Variants in LRRC7 observed in about 807,000 individuals in gnomAD.
LRRC7 encodes leucine rich repeat containing 7, also known as leucine-rich repeat-containing protein 7.
LRRC7 carries 23 observed loss-of-function variants against 175.7 expected under a neutral mutation model. The ratio of observed to expected loss-of-function variants is 0.13; its 90% CI spans 0.09 to 0.19. The LOEUF (loss-of-function observed/expected upper bound fraction) is 0.19, where lower values mean the gene tolerates loss of function less well. Ranked by LOEUF, LRRC7 falls within the 10% of genes least tolerant of loss-of-function variation. LRRC7 has a pLI of 1.00. For synonymous variants in LRRC7, 685 were observed against 680.9 expected (o/e 1.01, Z -0.09); for missense variants, 1,354 against 1,904.7 (o/e 0.71, Z 5.38).
At chr1:69,828,364 G>A (rs1680163447) in intron 5 of LRRC7, among the ~76,000 whole-genome samples, 1 of 152,122 alleles carries the variant, frequency 6.6e-6, no homozygotes. Flanking sequence ...CTTTCCCAAA[G>A]CTATTCAAAT....
chr1:69,986,916 G>A (rs573419151), intron 10 of LRRC7, among the ~76,000 whole-genome samples: 2 of 152,228 alleles, frequency 1.3e-5, no homozygotes, highest in African/African-American at 2.4e-5. Flanking sequence ...TTGCCGGTTA[G>A]TGTATAAAAA....
At chr1:69,581,817 C>T (rs552013622) in intron 1 of LRRC7, among the ~76,000 whole-genome samples, 22 of 151,976 alleles carry the variant, frequency 1.4e-4, no homozygotes, top group Non-Finnish European at 2.6e-4. Context: ...TAATTTCTTC[C>T]ATCTTTACTC....
At chr1:69,865,501 G>GTTTTTTTTTTTT (rs1684843456) in intron 7 of LRRC7, among the ~76,000 whole-genome samples, 1 of 15,034 alleles carries the variant, frequency 6.7e-5, no homozygotes, top group Non-Finnish European at 1.4e-4. Context: ...TTTTGAAACG[G>GTTTTTTTTTTTT]AGTCCCGCTC....
intron 7 of LRRC7, among the ~76,000 whole-genome samples, chr1:69,924,617 T>G (rs536215591): frequency 2.0e-5 from 3 of 152,292 alleles, no homozygotes; most frequent in African/African-American, 7.2e-5. Context: ...TATTGGTGTA[T>G]AAGAATGCTT....
chr1:69,828,883 T>A (rs1056687784), intron 5 of LRRC7, among the ~76,000 whole-genome samples: 1 of 151,962 alleles, frequency 6.6e-6, no homozygotes, highest in Non-Finnish European at 1.5e-5. Flanking sequence ...GGTCAGATGC[T>A]TGTAATATGT....
At chr1:69,940,479 C>G (rs1648596744) in intron 8 of LRRC7, among the ~76,000 whole-genome samples, 1 of 151,900 alleles carries the variant, frequency 6.6e-6, no homozygotes, top group African/African-American at 2.4e-5. Context: ...AGTCAAATAC[C>G]CTGGTGATTC....
chr1:70,055,682 T>C (rs918499478), intron 23 of LRRC7, among the ~76,000 whole-genome samples: 9 of 151,940 alleles, frequency 5.9e-5, no homozygotes, highest in African/African-American at 1.9e-4. Context: ...GGACAGAAAG[T>C]GAGAAGGGGG....
intron 3 of LRRC7, among the ~76,000 whole-genome samples, chr1:69,786,972 T>A (rs1487874642): frequency 6.6e-6 from 1 of 152,142 alleles, no homozygotes; most frequent in African/African-American, 2.4e-5. Context: ...ACAAGACAAG[T>A]CCCTTCCACC....
At chr1:69,795,569 C>T (rs1262565450) in intron 4 of LRRC7, among the ~76,000 whole-genome samples, 1 of 152,022 alleles carries the variant, frequency 6.6e-6, no homozygotes, top group Non-Finnish European at 1.5e-5. Context: ...AGAATACAAG[C>T]AGTATTGGTA....
At chr1:70,070,505 T>A (rs977342925) in intron 23 of LRRC7, among the ~76,000 whole-genome samples, 7 of 152,184 alleles carry the variant, frequency 4.6e-5, no homozygotes, top group Non-Finnish European at 1.0e-4. Context: ...GATGAGTGAT[T>A]TTTTAATTAA....
In LRRC7 at chr1:70,138,353, A is replaced by G. The variant is rs1168055053; in HGVS notation, c.*16466A>G. ...ACATGGAGAAGCCACCTTTTAAAAA[A>G]GATCAGTTCTGTAAAGCATAATGCC... is the stretch of plus-strand genomic sequence containing the variant. On this transcript the variant is annotated 3_prime_UTR_variant, in exon 27 of 27. Coordinates refer to ENST00000651989, the MANE Select transcript of LRRC7 (RefSeq NM_001370785.2). 3 of 152,232 alleles carry G rather than the reference A, an allele frequency of 2.0e-5. No individual in the cohort carries two copies. The highest frequency in any genetic ancestry group is 3.8e-4 in the East Asian group (2 of 5,202). 9.4% of individuals were successfully genotyped at this position (152,232 alleles called of 1,614,324 possible).
chr1:69,607,870 T>A (rs953843438), intron 1 of LRRC7: 1 of 152,188 alleles, frequency 6.6e-6, no homozygotes, highest in Non-Finnish European at 1.5e-5. Context: ...TGACATTCCT[T>A]ATCCTAGAAG....
At chr1:69,892,279 A>G (rs751222456) in intron 7 of LRRC7, among the ~76,000 whole-genome samples, 4 of 152,196 alleles carry the variant, frequency 2.6e-5, no homozygotes, top group Non-Finnish European at 4.4e-5. Flanking sequence ...TCAGGGAAGT[A>G]AGTTAAAAAC....
chr1:69,960,423 C>A (rs904867920), intron 8 of LRRC7, among the ~76,000 whole-genome samples: 1 of 151,932 alleles, frequency 6.6e-6, no homozygotes, highest in Admixed American at 6.6e-5. Flanking sequence ...TTAAGTTTTT[C>A]AAAAAGCTAG....
intron 25 of LRRC7, among the ~76,000 whole-genome samples, chr1:70,098,884 C>T (rs996022573): frequency 1.3e-5 from 2 of 152,158 alleles, no homozygotes; most frequent in South Asian, 4.1e-4. Flanking sequence ...CCAAATTCTA[C>T]CAGAGGTACA....
chr1:69,873,129 T>C (rs545852764), intron 7 of LRRC7, among the ~76,000 whole-genome samples: 6 of 152,292 alleles, frequency 3.9e-5, no homozygotes, highest in African/African-American at 1.4e-4. Context: ...GAAGTGATAG[T>C]GTAAGCAAGT....
chr1:69,885,688 A>G (rs1412460037), intron 7 of LRRC7, among the ~76,000 whole-genome samples: 36 of 114,000 alleles, frequency 3.2e-4, no homozygotes, highest in African/African-American at 1.3e-3. Flanking sequence ...TTGCTTTTCT[A>G]GTTCTTTTAA....
Position 70,000,331 on chromosome 1 carries a change from A to G in LRRC7, c.1004+5698A>G, listed in dbSNP as rs533701323. ...CACAAATAGATGCCATTGTGTTACA[A>G]TTGCTTACAGTATTCAGTAAATCAC... is the stretch of plus-strand genomic sequence containing the variant. On this transcript the variant is annotated intron_variant, in intron 11 of 26. Coordinates refer to ENST00000651989, the MANE Select transcript of LRRC7 (RefSeq NM_001370785.2). 5.6e-4 allele frequency among the ~76,000 whole-genome samples: 85 copies of G among 152,302 alleles called. No homozygotes were observed. The South Asian group carries it at 5.8e-3, about 10-fold the overall frequency.
At chr1:69,678,337 C>A in intron 1 of LRRC7, 44 bp from the exon 2 acceptor site, 8 of 1,335,554 alleles carry the variant, frequency 6.0e-6, no homozygotes, top group South Asian at 2.5e-5. Flanking sequence ...AACATTTATC[C>A]AAAAAAAAGA....
Sources: gnomAD v4.1 joint callset for allele counts (sites outside exome capture counted in the v4.1 genomes callset) on GRCh38, gnomAD v4.1.1 for gene constraint, MANE v1.5 for transcripts, NCBI Gene and HGNC (gene_info 2026-07-23, HGNC 2026-07-21) for gene names.